LIN9: variants seen among roughly 807,000 people sequenced by gnomAD.
The protein encoded by LIN9 is lin-9 DREAM MuvB core complex component.
Under a neutral mutation model 78.0 loss-of-function variants are expected in LIN9, and 18 were observed. That is an observed-to-expected ratio of 0.23 (90% confidence interval 0.16 to 0.34). The LOEUF is 0.34. Among genes scored for constraint, LIN9 ranks in the 10% least tolerant of loss-of-function variants. The probability of loss-of-function intolerance (pLI) is 1.00; values close to 1 mark genes in which losing one functional copy is unlikely to be tolerated. For missense variants in LIN9, 451 were observed against 644.1 expected, an observed-to-expected ratio of 0.70 and a Z score of 3.25; for synonymous variants, 192 against 215.2, an observed-to-expected ratio of 0.89 and a Z score of 0.94.
chr1:226,282,121 CAGCAT>C (rs1464605205), intron 6 of LIN9, among the ~76,000 whole-genome samples: 2 of 152,120 alleles, frequency 1.3e-5, no homozygotes, highest in Non-Finnish European at 2.9e-5. Context: ...TTTCTTGACA[CAGCAT>C]AGCAATCATT....
chr1:226,269,986 C>T (rs1352361150), intron 7 of LIN9, among the ~76,000 whole-genome samples: 2 of 152,240 alleles, frequency 1.3e-5, no homozygotes, highest in Non-Finnish European at 1.5e-5. Flanking sequence ...TGCAGTGGCA[C>T]GATCTCGCTC....
At chr1:226,246,638 A>T (rs1576286100) in intron 11 of LIN9, among the ~76,000 whole-genome samples, 1 of 151,344 alleles carries the variant, frequency 6.6e-6, no homozygotes, top group Non-Finnish European at 1.5e-5. Context: ...AAAAAAATAC[A>T]AAAAATTAGC....
chr1:226,249,397 G>T (rs1250258009), intron 11 of LIN9, among the ~76,000 whole-genome samples: 1 of 152,162 alleles, frequency 6.6e-6, no homozygotes, highest in Non-Finnish European at 1.5e-5. Context: ...GCTTAAATGA[G>T]TTAAACTGGG....
chr1:226,238,452 G>A (rs1315478173), intron 12 of LIN9, among the ~76,000 whole-genome samples: 5 of 151,952 alleles, frequency 3.3e-5, no homozygotes, highest in African/African-American at 7.3e-5. Context: ...GCAACATAGC[G>A]AGACTTCATC....
chr1:226,274,965 T>G (rs1049423176), intron 7 of LIN9, among the ~76,000 whole-genome samples: 2 of 152,240 alleles, frequency 1.3e-5, no homozygotes, highest in Non-Finnish European at 2.9e-5. Context: ...CTGAGTCATC[T>G]CAGAGTCTAT....
intron 12 of LIN9, among the ~76,000 whole-genome samples, chr1:226,236,269 A>G (rs1185590524): frequency 1.3e-5 from 2 of 151,136 alleles, no homozygotes; most frequent in Non-Finnish European, 2.9e-5. Flanking sequence ...CATGCCTGAG[A>G]AGTCAGCAAC....
In LIN9 at chr1:226,263,820, T is replaced by C. The variant is rs1000906302; in HGVS notation, c.1038+1713A>G. On this transcript the variant is annotated intron_variant, in intron 10 of 14. Coordinates refer to ENST00000681046, the MANE Select transcript of LIN9 (RefSeq NM_001366245.2). ...GGCATGGTGACTCAAGCCTGTAATC[T>C]TAGCACTTTGGAAAGCCAAGGTGGG... 3.9e-5 allele frequency among the ~76,000 whole-genome samples: 6 copies of C among 152,152 alleles called. No individual in the cohort carries two copies. The East Asian group carries it at 1.2e-3, about 29-fold the overall frequency.
intron 11 of LIN9, among the ~76,000 whole-genome samples, chr1:226,244,968 T>G (rs1377118764): frequency 1.3e-5 from 2 of 152,222 alleles, no homozygotes; most frequent in African/African-American, 4.8e-5. Flanking sequence ...TGTAGTCATT[T>G]TGGACAAAGG....
chr1:226,257,066 G>A (rs1179154315), intron 10 of LIN9, among the ~76,000 whole-genome samples: 3 of 151,994 alleles, frequency 2.0e-5, no homozygotes, highest in Non-Finnish European at 2.9e-5. Context: ...CGATTCTCGT[G>A]CCTCAGCCTC....
intron 4 of LIN9, among the ~76,000 whole-genome samples, chr1:226,289,729 C>G (rs1200585044): frequency 1.3e-5 from 2 of 150,280 alleles, no homozygotes; most frequent in African/African-American, 4.9e-5. Flanking sequence ...GAAAGTAATC[C>G]CAAATACTTA....
chr1:226,306,264 G>A (rs889138350), intron 1 of LIN9, among the ~76,000 whole-genome samples: 5 of 152,010 alleles, frequency 3.3e-5, no homozygotes, highest in African/African-American at 9.7e-5. Flanking sequence ...GGCGGAGGCT[G>A]CAGTGAGCTG....
At chr1:226,305,315 GAAAAAAA>G (rs111859953) in intron 1 of LIN9, among the ~76,000 whole-genome samples, 15 of 77,536 alleles carry the variant, frequency 1.9e-4, no homozygotes, top group Admixed American at 1.0e-3. Flanking sequence ...ACAAAAAAAA[GAAAAAAA>G]AAAAAAAAAA....
intron 3 of LIN9, 32 bp downstream of exon 3, chr1:226,297,687 A>C (rs1392638712): frequency 5.0e-6 from 7 of 1,414,078 alleles, no homozygotes; most frequent in Non-Finnish European, 5.8e-6. Context: ...AGCTAGAATT[A>C]TTCTAAAATG....
chr1:226,298,937 C>T (rs928790943), intron 2 of LIN9, among the ~76,000 whole-genome samples: 7 of 152,010 alleles, frequency 4.6e-5, no homozygotes, highest in African/African-American at 1.2e-4. Flanking sequence ...TTTCTGTTTT[C>T]CTTAATTCAG....
At position 226,266,295 on chromosome 1, in the gene LIN9, A is replaced by T. The variant is rs774097657; in HGVS notation, c.854T>A (p.Phe285Tyr). Reference sequence around the variant, plus strand: ...TCGAGAAGGCCGCTGTTTTTGTCCAAAGGCAGCAATTGGCATTGTCTCATG... The same window carrying T: ...TCGAGAAGGCCGCTGTTTTTGTCCATAGGCAGCAATTGGCATTGTCTCATG... ...EPHETMPIAA[F>Y]GQKQRPSRFF... The change falls in exon 9 of 15, where the codon TTT becomes TAT. Residue 285 changes from phenylalanine to tyrosine, a missense_variant. Physicochemically the swap from Phe to Tyr is conservative, Grantham distance 22 (BLOSUM62 3). Transcript: ENST00000681046. The T allele has an allele frequency of 1.2e-6, 2 of 1,603,008 alleles. No individual in the cohort carries two copies. The highest frequency in any genetic ancestry group is 1.7e-4 in the Middle Eastern group (1 of 6,028).
chr1:226,257,590 A>G (rs1367273477), intron 10 of LIN9, among the ~76,000 whole-genome samples: 1 of 152,204 alleles, frequency 6.6e-6, no homozygotes, highest in Non-Finnish European at 1.5e-5. Context: ...TGTTATTTGA[A>G]AGTGGATATG....
intron 7 of LIN9, among the ~76,000 whole-genome samples, chr1:226,269,658 C>T (rs576175606): frequency 4.6e-5 from 7 of 152,030 alleles, no homozygotes; most frequent in African/African-American, 1.4e-4. Flanking sequence ...TGAAAGACAG[C>T]CAGAAATTTA....
intron 12 of LIN9, among the ~76,000 whole-genome samples, chr1:226,237,486 C>T (rs1387619011): frequency 6.6e-6 from 1 of 150,540 alleles, no homozygotes; most frequent in Non-Finnish European, 1.5e-5. Context: ...TACAAAATTA[C>T]CTGGGCGTGG....
intron 8 of LIN9, 134 bp downstream of exon 8, chr1:226,267,823 G>C (rs1486806620): frequency 4.4e-5 from 39 of 883,528 alleles, no homozygotes; most frequent in Non-Finnish European, 6.4e-5. Context: ...AGCAGATAGG[G>C]CTGGGGTCCC....
Sources: gnomAD v4.1 joint callset for allele counts (sites outside exome capture counted in the v4.1 genomes callset) on GRCh38, gnomAD v4.1.1 for gene constraint, MANE v1.5 for transcripts, NCBI Gene and HGNC (gene_info 2026-07-23, HGNC 2026-07-21) for gene names.